The following ZMYND8 variants were observed in gnomAD, a reference collection of about 807,000 sequenced individuals.
ZMYND8 encodes the protein zinc finger MYND-type containing 8.
A neutral mutation model predicts 140.8 loss-of-function variants in ZMYND8; 37 were observed. The observed-to-expected ratio is 0.26, with a 90% CI of 0.20 to 0.35. The LOEUF is 0.35. ZMYND8 is among the 10% of genes least tolerant of loss of function. The pLI, the probability that ZMYND8 is intolerant of heterozygous loss-of-function variation, is 1.00. For synonymous variants in ZMYND8, 592 were observed against 597.1 expected (o/e 0.99, Z 0.12); for missense variants, 1,068 against 1,570.0 (o/e 0.68, Z 5.40).
At chr20:47,308,862 G>A (rs2078700542) in intron 3 of ZMYND8, among the ~76,000 whole-genome samples, 1 of 152,144 alleles carries the variant, frequency 6.6e-6, no homozygotes, top group African/African-American at 2.4e-5. Context: ...TTCCATGAAA[G>A]CAACAATCTC....
At chr20:47,265,053 C>CAT (rs199638521) in intron 11 of ZMYND8, among the ~76,000 whole-genome samples, 20,791 of 114,198 alleles carry the variant, frequency 0.18, 1,916 homozygotes, top group South Asian at 0.36. Flanking sequence ...AATATATATA[C>CAT]ATATATATAT....
rs541677453 is a variant in ZMYND8 at position 47,252,077 on chromosome 20, T to C, written c.1622-2638A>G. ...GGAAGGCCAAGGCGGGAGGATCACT[T>C]GAGGTCGGGGGTTCAAGATCCGCCT... is the stretch of plus-strand genomic sequence containing the variant. On this transcript the variant is annotated intron_variant, in intron 12 of 22. Transcript: ENST00000471951. Among the ~76,000 whole-genome samples the C allele has an allele frequency of 2.3e-4, 35 of 151,712 alleles. 2 individuals carry two copies. In the East Asian group the frequency reaches 3.7e-3, roughly 16 times the overall value.
At chr20:47,223,278 G>A (rs927942062) in intron 19 of ZMYND8, among the ~76,000 whole-genome samples, 2 of 152,164 alleles carry the variant, frequency 1.3e-5, no homozygotes, top group East Asian at 1.9e-4. Flanking sequence ...GGCTGAGGCC[G>A]GCAGATCACT....
At chr20:47,336,409 T>C (rs957496002) in intron 2 of ZMYND8, among the ~76,000 whole-genome samples, 3 of 152,178 alleles carry the variant, frequency 2.0e-5, no homozygotes, top group African/African-American at 7.2e-5. Context: ...ACACAGACAT[T>C]TTTAAAAATG....
chr20:47,314,261 G>A (rs2079195865), intron 2 of ZMYND8, among the ~76,000 whole-genome samples: 1 of 152,162 alleles, frequency 6.6e-6, no homozygotes, highest in African/African-American at 2.4e-5. Flanking sequence ...CACCTTGGGA[G>A]GCTGAGGTTA....
chr20:47,300,814 C>T (rs1468871659), intron 3 of ZMYND8, among the ~76,000 whole-genome samples: 1 of 151,676 alleles, frequency 6.6e-6, no homozygotes, highest in South Asian at 2.1e-4. Flanking sequence ...TCTGAGGCTC[C>T]AGCAATCCTC....
chr20:47,276,597 G>T lies in ZMYND8; in HGVS notation c.1197C>A (p.Leu399=). Residue 399 remains leucine (L), a synonymous_variant, in exon 11 of 23, where the codon CTC becomes CTA. Coordinates refer to ENST00000471951, the MANE Select transcript of ZMYND8 (RefSeq NM_001281775.3). ...TGCCGGCGCTGGGGTTGGTGGGATC[G>T]AGCAGCATTTGATACTGGCTGTTGG... ...YTPNSQYQML[L]DPTNPSAGTA... is the part of the protein sequence containing the mutation. 6.2e-7 allele frequency: 1 copy of T among 1,613,824 alleles called. No individual in the cohort carries two copies. Among genetic ancestry groups the T allele is most frequent in the South Asian group, 1.1e-5 (1 of 91,062 alleles).
At chr20:47,232,903 TTTG>T (rs2038716318) in intron 16 of ZMYND8, among the ~76,000 whole-genome samples, 10 of 58,148 alleles carry the variant, frequency 1.7e-4, no homozygotes, top group African/African-American at 7.0e-4. Flanking sequence ...TTTTGTTTTT[TTTG>T]TTTTTTTTTT....
At chr20:47,294,639 G>C (rs2076402) in intron 5 of ZMYND8, 27 bp downstream of exon 5, 1 of 1,595,644 alleles carries the variant, frequency 6.3e-7, no homozygotes, top group African/African-American at 1.3e-5. Flanking sequence ...TCATTTACGC[G>C]TATACCAAGA....
At chr20:47,290,658 C>T (rs2077204705) in intron 6 of ZMYND8, among the ~76,000 whole-genome samples, 1 of 119,876 alleles carries the variant, frequency 8.3e-6, no homozygotes, top group Admixed American at 1.2e-4. Context: ...ATGGCGTGAT[C>T]TCGGCTCACT....
At chr20:47,230,258 C>A (rs2038279604) in intron 16 of ZMYND8, among the ~76,000 whole-genome samples, 1 of 151,860 alleles carries the variant, frequency 6.6e-6, no homozygotes, top group Non-Finnish European at 1.5e-5. Context: ...ACCGGAGAGG[C>A]CAAATTTGGC....
intron 2 of ZMYND8, among the ~76,000 whole-genome samples, chr20:47,335,415 A>C (rs1252762840): frequency 6.6e-6 from 1 of 151,534 alleles, no homozygotes; most frequent in Non-Finnish European, 1.5e-5. Flanking sequence ...CATTCCACTC[A>C]CCCTCACCCC....
intron 12 of ZMYND8, among the ~76,000 whole-genome samples, chr20:47,255,561 AGTGTGTGT>A (rs141205253): frequency 0.044 from 5,238 of 119,928 alleles, 392 homozygotes; most frequent in African/African-American, 0.15. Flanking sequence ...ACATATACTC[AGTGTGTGT>A]GTGTGTGTGT....
intron 8 of ZMYND8, among the ~76,000 whole-genome samples, chr20:47,285,302 T>G (rs910161869): frequency 2.6e-5 from 4 of 152,214 alleles, no homozygotes; most frequent in Admixed American, 6.5e-5. Context: ...TAACAGGTGC[T>G]CAATAATTAT....
Position 47,287,288 on chromosome 20 carries a change from A to C in ZMYND8, c.749-4T>G. The C allele has an allele frequency of 1.9e-6, 3 of 1,612,432 alleles. No individual in the cohort carries two copies. Among genetic ancestry groups the C allele is most frequent in the Non-Finnish European group, 2.5e-6 (3 of 1,178,464 alleles). ...ATTTGCGTCAATTTGTGATTTCCTA[A>C]GGGAATAAGAAAACAGGATTAATTC... On this transcript the variant is annotated splice_region_variant and splice_polypyrimidine_tract_variant and intron_variant, in intron 7 of 22. Coordinates refer to ENST00000471951, the MANE Select transcript of ZMYND8 (RefSeq NM_001281775.3).
At chr20:47,211,788 G>C (rs1413276417) in intron 22 of ZMYND8, among the ~76,000 whole-genome samples, 1 of 152,196 alleles carries the variant, frequency 6.6e-6, no homozygotes, top group Non-Finnish European at 1.5e-5. Context: ...GAAAGAGGTT[G>C]AGGGCAAGAG....
intron 2 of ZMYND8, among the ~76,000 whole-genome samples, chr20:47,332,156 C>CA (rs1380476545): frequency 3.3e-5 from 5 of 152,112 alleles, no homozygotes; most frequent in Non-Finnish European, 7.4e-5. Context: ...ACTAAAAATA[C>CA]AAAAATTAGC....
intron 16 of ZMYND8, among the ~76,000 whole-genome samples, chr20:47,235,348 C>T (rs1479177154): frequency 8.5e-5 from 13 of 152,250 alleles, no homozygotes; most frequent in Admixed American, 2.6e-4. Flanking sequence ...ATCAGTCCAG[C>T]GCACTCTCAC....
chr20:47,239,486 G>A (rs1225137111), intron 14 of ZMYND8, among the ~76,000 whole-genome samples: 1 of 152,154 alleles, frequency 6.6e-6, no homozygotes, highest in East Asian at 1.9e-4. Flanking sequence ...CAGATTCAAT[G>A]TTCACGCCCT....
Sources: allele counts gnomAD v4.1 joint callset (sites outside exome capture counted in the v4.1 genomes callset), GRCh38; gene constraint gnomAD v4.1.1; transcripts MANE v1.5; gene names NCBI Gene and HGNC (gene_info 2026-07-23, HGNC 2026-07-21).